MEIS2: variants seen among roughly 807,000 people sequenced by gnomAD.
MEIS2 encodes Meis homeobox 2, also known as homeobox protein Meis2.
In MEIS2, 9 loss-of-function variants were observed where a neutral mutation model predicts 58.6. The observed-to-expected ratio is 0.15, with a 90% CI of 0.09 to 0.27. The LOEUF is 0.27. MEIS2 is among the 10% of genes least tolerant of loss of function. MEIS2 has a pLI of 1.00. For synonymous variants in MEIS2, 221 were observed against 228.4 expected (o/e 0.97, Z 0.29); for missense variants, 427 against 635.0 (o/e 0.67, Z 3.52).
At chr15:37,028,347 A>T (rs1163663902) in intron 8 of MEIS2, among the ~76,000 whole-genome samples, 4 of 152,224 alleles carry the variant, frequency 2.6e-5, no homozygotes, top group Non-Finnish European at 4.4e-5. Context: ...AAGGCTGCTG[A>T]ATCCCAAACA....
chr15:37,065,069 A>C (rs1254615075), intron 7 of MEIS2, among the ~76,000 whole-genome samples: 1 of 152,176 alleles, frequency 6.6e-6, no homozygotes, highest in African/African-American at 2.4e-5. Flanking sequence ...ATTTTTCAGA[A>C]GTTTTCAAGA....
At chr15:37,068,346 C>T (rs945573639) in intron 7 of MEIS2, among the ~76,000 whole-genome samples, 3 of 152,176 alleles carry the variant, frequency 2.0e-5, no homozygotes, top group Non-Finnish European at 4.4e-5. Flanking sequence ...CTCAATTCTA[C>T]CTAATAAATG....
intron 9 of MEIS2, among the ~76,000 whole-genome samples, chr15:36,928,466 T>C (rs2057837045): frequency 1.3e-5 from 2 of 152,288 alleles, no homozygotes; most frequent in South Asian, 2.1e-4. Flanking sequence ...CGATAGTTAA[T>C]AGTGAGGCCA....
rs1214102280 is a variant in MEIS2 at position 37,096,339 on chromosome 15, C to T, written c.337G>A (p.Val113Ile). The change falls in exon 3 of 12, where the codon GTC becomes ATC. Residue 113 changes from valine (V) to isoleucine (I), a missense_variant. This residue lies in a region of MEIS2 where 138 missense variants were observed against 263.0 expected (regional missense o/e 0.52). Coordinates refer to ENST00000561208, the MANE Select transcript of MEIS2 (RefSeq NM_170675.5). Reference sequence around the variant, plus strand: ...TCGTTGAAGGAGTCGGAGGAGCAGACGTCTCCGCCAGCCACTCCAGGTTCC... The same window carrying T: ...TCGTTGAAGGAGTCGGAGGAGCAGATGTCTCCGCCAGCCACTCCAGGTTCC... ...PREPGVAGGD[V>I]CSSDSFNEDI... 3.7e-6 allele frequency: 6 copies of T among 1,613,612 alleles called. No individual in the cohort carries two copies. Among genetic ancestry groups the T allele is most frequent in the Non-Finnish European group, 5.1e-6 (6 of 1,179,764 alleles).
intron 9 of MEIS2, among the ~76,000 whole-genome samples, chr15:36,910,413 T>C (rs1358377450): frequency 6.6e-6 from 1 of 152,060 alleles, no homozygotes; most frequent in Admixed American, 6.5e-5. Context: ...CAGCCTTTAA[T>C]AGAGTGATAT....
At chr15:37,032,391 G>T (rs574929774) in intron 8 of MEIS2, among the ~76,000 whole-genome samples, 2 of 152,290 alleles carry the variant, frequency 1.3e-5, no homozygotes, top group Non-Finnish European at 1.5e-5. Flanking sequence ...GTTTTTTCAC[G>T]TCAGCCTGGG....
intron 8 of MEIS2, among the ~76,000 whole-genome samples, chr15:36,953,722 T>C (rs1327105742): frequency 2.0e-5 from 3 of 152,198 alleles, no homozygotes; most frequent in Non-Finnish European, 4.4e-5. Context: ...TAAGAAGACA[T>C]GTATGGCTTA....
At chr15:36,930,180 G>T (rs2057914460) in intron 9 of MEIS2, among the ~76,000 whole-genome samples, 1 of 145,566 alleles carries the variant, frequency 6.9e-6, no homozygotes, top group Non-Finnish European at 1.5e-5. Flanking sequence ...TCCAGCCTGG[G>T]TGACAGAGTG....
In MEIS2 at chr15:37,098,160, C is replaced by G; in HGVS notation, c.52G>C (p.Gly18Arg). The change falls in exon 2 of 12, where the codon GGG becomes CGG. Residue 18 changes from glycine to arginine, a missense_variant. Physicochemically the swap from Gly to Arg is moderately radical, Grantham distance 125. Around this residue, in one of 6 missense-constraint regions of MEIS2, gnomAD observed 103 missense variants for 111.8 expected, o/e 0.92. Transcript: ENST00000561208. ...LPHYGGMDGVGVPASMYGDPH... is the reference protein window; with the variant it reads ...LPHYGGMDGVRVPASMYGDPH... Reference sequence around the variant, plus strand: ...TCTCCGTACATGGAAGCGGGAACCCCTACTCCGTCCATCCCGCCGTAATGG... The same window carrying G: ...TCTCCGTACATGGAAGCGGGAACCCGTACTCCGTCCATCCCGCCGTAATGG... The G allele has an allele frequency of 6.2e-7, 1 of 1,608,122 alleles. No individual in the cohort carries two copies. Among genetic ancestry groups the G allele is most frequent in the Non-Finnish European group, 8.5e-7 (1 of 1,176,488 alleles).
chr15:36,928,534 C>T (rs2057839630), intron 9 of MEIS2, among the ~76,000 whole-genome samples: 1 of 152,176 alleles, frequency 6.6e-6, no homozygotes, highest in Non-Finnish European at 1.5e-5. Context: ...TATCCTACTG[C>T]CTCTTCATAA....
At chr15:36,957,058 G>A (rs2059006128) in intron 8 of MEIS2, among the ~76,000 whole-genome samples, 1 of 152,136 alleles carries the variant, frequency 6.6e-6, no homozygotes, top group East Asian at 1.9e-4. Flanking sequence ...AAGTTTATCA[G>A]AGTAGTGATC....
chr15:37,040,235 G>A (rs2062365485), intron 7 of MEIS2, among the ~76,000 whole-genome samples: 1 of 152,184 alleles, frequency 6.6e-6, no homozygotes, highest in Admixed American at 6.5e-5. Context: ...ATTCAAAATT[G>A]TGGAATCCTT....
chr15:36,907,004 G>A (rs1333058245), intron 9 of MEIS2, among the ~76,000 whole-genome samples: 1 of 152,044 alleles, frequency 6.6e-6, no homozygotes, highest in Non-Finnish European at 1.5e-5. Context: ...TTACATACAT[G>A]TTACACTGGG....
intron 7 of MEIS2, among the ~76,000 whole-genome samples, chr15:37,041,618 C>T (rs1037090469): frequency 6.6e-6 from 1 of 152,122 alleles, no homozygotes; most frequent in Non-Finnish European, 1.5e-5. Context: ...ATACCATCGG[C>T]ATCTGGGTGT....
At chr15:36,990,220 C>G (rs1056636103) in intron 8 of MEIS2, among the ~76,000 whole-genome samples, 2 of 152,124 alleles carry the variant, frequency 1.3e-5, no homozygotes, top group Admixed American at 1.3e-4. Context: ...GCTGGGATTA[C>G]AGGCATGAGC....
At chr15:36,982,674 G>A (rs1324476573) in intron 8 of MEIS2, among the ~76,000 whole-genome samples, 1 of 152,148 alleles carries the variant, frequency 6.6e-6, no homozygotes, top group African/African-American at 2.4e-5. Context: ...TCCCAGAAAT[G>A]AGATTGCTGT....
intron 9 of MEIS2, among the ~76,000 whole-genome samples, chr15:36,909,898 C>A (rs536813773): frequency 6.6e-6 from 1 of 150,978 alleles, no homozygotes; most frequent in South Asian, 2.1e-4. Context: ...GAATAGAAAG[C>A]GAAGGAGGAA....
At chr15:37,052,290 C>T (rs976916420) in intron 7 of MEIS2, among the ~76,000 whole-genome samples, 1 of 152,220 alleles carries the variant, frequency 6.6e-6, no homozygotes, top group Non-Finnish European at 1.5e-5. Context: ...GGACTGTCTA[C>T]TACATGCCAG....
At chr15:37,029,066 C>T (rs2061811299) in intron 8 of MEIS2, among the ~76,000 whole-genome samples, 1 of 152,168 alleles carries the variant, frequency 6.6e-6, no homozygotes, top group African/African-American at 2.4e-5. Context: ...TGAAATTAAA[C>T]AGAGATGACA....
Sources: allele counts gnomAD v4.1 joint callset (sites outside exome capture counted in the v4.1 genomes callset), GRCh38; gene constraint gnomAD v4.1.1; regional missense constraint gnomAD v4.1.1; transcripts MANE v1.5; gene names NCBI Gene and HGNC (gene_info 2026-07-23, HGNC 2026-07-21).